Variants in ROS1 observed in about 807,000 individuals in gnomAD.
ROS1 encodes proto-oncogene tyrosine-protein kinase ROS.
A neutral mutation model predicts 273.5 loss-of-function variants in ROS1; 263 were observed. The ratio of observed to expected loss-of-function variants is 0.96; its 90% CI spans 0.87 to 1.06. The LOEUF (loss-of-function observed/expected upper bound fraction) is 1.06. Among genes scored for constraint, ROS1 ranks in the 50% least tolerant of loss-of-function variants. The pLI, the probability that ROS1 is intolerant of heterozygous loss-of-function variation, is 0.00. For missense variants in ROS1, 2,833 were observed against 2,751.1 expected, an observed-to-expected ratio of 1.03 and a Z score of -0.67; for synonymous variants, 1,008 against 954.1, an observed-to-expected ratio of 1.06 and a Z score of -1.04.
chr6:117,365,640 G>C lies in ROS1; in HGVS notation c.2899C>G (p.Pro967Ala), dbSNP rs1369931780. Residue 967 changes from proline (P) to alanine (A), a missense_variant, in exon 20 of 44, where the codon CCC becomes GCC. Physicochemically the swap from Pro to Ala is conservative, Grantham distance 27. Transcript: ENST00000368507. ...ACTACACCCCAGTCTACCGCAGGGG[G>C]ACCATTCCACAGGATTTGAAAACTT... ...ASSFQILWNG[P>A]PAVDWGVVFY... 1 of 1,612,528 alleles carries C rather than the reference G, an allele frequency of 6.2e-7. No individual in the cohort carries two copies.
At chr6:117,358,588 T>C (rs1052337743) in intron 24 of ROS1, among the ~76,000 whole-genome samples, 2 of 152,014 alleles carry the variant, frequency 1.3e-5, no homozygotes, top group Admixed American at 6.6e-5. Context: ...GCCTCCCAAG[T>C]GGCTGAGACT....
At chr6:117,317,591 G>T (rs1213276777) in intron 38 of ROS1, among the ~76,000 whole-genome samples, 1 of 152,002 alleles carries the variant, frequency 6.6e-6, no homozygotes, top group Non-Finnish European at 1.5e-5. Context: ...TTGGGTTTTG[G>T]GTCATTACAG....
chr6:117,329,078 TCAAA>T (rs1049660364), intron 33 of ROS1, among the ~76,000 whole-genome samples: 12 of 152,348 alleles, frequency 7.9e-5, no homozygotes, highest in Admixed American at 5.9e-4. Context: ...GAGCCTATGA[TCAAA>T]CAATTTCCAT....
At chr6:117,400,919 C>A (rs1773882435) in intron 7 of ROS1, among the ~76,000 whole-genome samples, 1 of 152,174 alleles carries the variant, frequency 6.6e-6, no homozygotes, top group East Asian at 1.9e-4. Flanking sequence ...TAATTGCTTC[C>A]TCAGCAACTC....
At chr6:117,331,142 C>T (rs566546175) in intron 32 of ROS1, among the ~76,000 whole-genome samples, 59 of 152,242 alleles carry the variant, frequency 3.9e-4, no homozygotes, top group African/African-American at 1.3e-3. Flanking sequence ...TAGAGAGGAA[C>T]ACAAATGGCC....
intron 42 of ROS1, among the ~76,000 whole-genome samples, chr6:117,303,968 T>C (rs980476564): frequency 6.6e-6 from 1 of 152,192 alleles, no homozygotes; most frequent in African/African-American, 2.4e-5. Flanking sequence ...CTTCCATTTA[T>C]TTCGTTTCCT....
At chr6:117,363,358 G>A (rs1457789017) in intron 21 of ROS1, among the ~76,000 whole-genome samples, 2 of 152,166 alleles carry the variant, frequency 1.3e-5, no homozygotes, top group Non-Finnish European at 2.9e-5. Context: ...AAAGCAGAAA[G>A]TTTAGGGGAG....
chr6:117,392,318 G>A (rs541723983), intron 12 of ROS1, among the ~76,000 whole-genome samples: 34 of 151,838 alleles, frequency 2.2e-4, no homozygotes, highest in African/African-American at 8.0e-4. Flanking sequence ...TTAAAAGAAA[G>A]TTTTGTTTGT....
At position 117,421,976 on chromosome 6, in the gene ROS1, C is replaced by T. The variant is rs150043785; in HGVS notation, c.124-3470G>A. ...TTCTAATATTTTTATGAAGTAAACA[C>T]TTGCTTTGTTTTGTTTATTTGTCTG... On this transcript the variant is annotated intron_variant, in intron 1 of 43. Coordinates refer to ENST00000368507, the MANE Select transcript of ROS1 (RefSeq NM_001378902.1). Among the ~76,000 whole-genome samples the T allele has an allele frequency of 1.7e-3, 266 of 152,198 alleles. 1 individual carries two copies. Among genetic ancestry groups the T allele is most frequent in the South Asian group, 0.015 (71 of 4,818 alleles).
At chr6:117,308,548 C>T (rs186007002) in intron 42 of ROS1, among the ~76,000 whole-genome samples, 717 of 152,118 alleles carry the variant, frequency 4.7e-3, no homozygotes, top group Middle Eastern at 0.01. Context: ...AAGTATTTTA[C>T]TTAACCAGAA....
At chr6:117,418,377 TCTTA>T (rs1775490987) in intron 2 of ROS1, 81 bp downstream of exon 2, 4 of 936,032 alleles carry the variant, frequency 4.3e-6, no homozygotes, top group Non-Finnish European at 6.6e-6. Context: ...ACTTAGCAAT[TCTTA>T]CTGTGATAAA....
At position 117,311,003 on chromosome 6, in the gene ROS1, C is replaced by T. The variant is rs2128549692; in HGVS notation, c.6215+17G>A. On this transcript the variant is annotated intron_variant, in intron 40 of 43. Coordinates refer to ENST00000368507, the MANE Select transcript of ROS1 (RefSeq NM_001378902.1). ...GCCAATATCCGTAATAACCCTGTAT[C>T]CAGAAGAGAATTGTACCTGTGAATG... 6.6e-7 allele frequency: 1 copy of T among 1,519,736 alleles called. No homozygotes were observed. The highest frequency in any genetic ancestry group is 9.1e-7 in the Non-Finnish European group (1 of 1,099,824). 94.1% of individuals were successfully genotyped at this position (1,519,736 alleles called of 1,614,324 possible). A position where few individuals can be genotyped will look rare whatever the true frequency, so the allele number is the denominator to read the frequency against.
chr6:117,334,938 C>G, intron 32 of ROS1, among the ~76,000 whole-genome samples: 1 of 152,242 alleles, frequency 6.6e-6, no homozygotes, highest in South Asian at 2.1e-4. Context: ...TGGGCAAAGA[C>G]TTCATGACTA....
At chr6:117,423,874 T>A (rs1775944205) in intron 1 of ROS1, among the ~76,000 whole-genome samples, 1 of 152,192 alleles carries the variant, frequency 6.6e-6, no homozygotes, top group Non-Finnish European at 1.5e-5. Flanking sequence ...GTACATTCAC[T>A]TCACTTTTGT....
intron 9 of ROS1, among the ~76,000 whole-genome samples, chr6:117,395,349 A>T (rs1054588536): frequency 4.6e-5 from 7 of 152,164 alleles, no homozygotes; most frequent in Non-Finnish European, 1.0e-4. Context: ...CACCCTTTGG[A>T]CGTGCTTCTT....
chr6:117,338,845 C>T (rs1328095601), intron 31 of ROS1, among the ~76,000 whole-genome samples: 2 of 152,118 alleles, frequency 1.3e-5, no homozygotes, highest in African/African-American at 4.8e-5. Flanking sequence ...GGGGTGAAGG[C>T]TACCATAGAG....
Position 117,308,885 on chromosome 6 carries a change from G to T in ROS1, c.6460C>A (p.Gln2154Lys). The T allele has an allele frequency of 6.2e-7, 1 of 1,613,230 alleles. No homozygotes were observed. Among genetic ancestry groups the T allele is most frequent in the Non-Finnish European group, 8.5e-7 (1 of 1,179,524 alleles). ...LIWEILTLGH[Q>K]PYPAHSNLDV... The stretch of plus-strand genomic sequence containing the variant: ...AGGTTGGAATGAGCTGGATAAGGCT[G>T]ATGACCAAGAGTTAAAATCTCCCAA... The change falls in exon 42 of 44, where the codon CAG becomes AAG. Residue 2154 changes from glutamine (Q) to lysine (K), a missense_variant. Coordinates refer to ENST00000368507, the MANE Select transcript of ROS1 (RefSeq NM_001378902.1).
At chr6:117,299,008 G>T (rs75404489) in intron 43 of ROS1, among the ~76,000 whole-genome samples, 20 of 6,116 alleles carry the variant, frequency 3.3e-3, no homozygotes, top group African/African-American at 0.025. Context: ...TATATATATA[G>T]AGAGCCCCCC....
At chr6:117,374,791 T>A (rs965733438) in intron 18 of ROS1, among the ~76,000 whole-genome samples, 5 of 151,876 alleles carry the variant, frequency 3.3e-5, no homozygotes, top group Non-Finnish European at 7.4e-5. Context: ...AAGCAAACCA[T>A]CTCAAATAAT....
Sources: allele counts gnomAD v4.1 joint callset (sites outside exome capture counted in the v4.1 genomes callset), GRCh38; gene constraint gnomAD v4.1.1; transcripts MANE v1.5; gene names NCBI Gene and HGNC (gene_info 2026-07-23, HGNC 2026-07-21).